Variants in YEATS2 observed in about 807,000 individuals in gnomAD.
YEATS2 encodes the protein YEATS domain-containing protein 2.
Under a neutral mutation model 163.2 loss-of-function variants are expected in YEATS2, and 77 were observed. The ratio of observed to expected loss-of-function variants is 0.47; its 90% CI spans 0.39 to 0.57. The LOEUF (loss-of-function observed/expected upper bound fraction) is 0.57. Among genes scored for constraint, YEATS2 ranks in the 20% least tolerant of loss-of-function variants. YEATS2 has a pLI of 0.00. For synonymous variants in YEATS2, 631 were observed against 645.1 expected, an observed-to-expected ratio of 0.98 and a Z score of 0.33; for missense variants, 1,549 against 1,729.8, an observed-to-expected ratio of 0.90 and a Z score of 1.85.
chr3:183,767,617 G>C (rs557441738), intron 15 of YEATS2, among the ~76,000 whole-genome samples: 19 of 152,210 alleles, frequency 1.2e-4, no homozygotes, highest in Admixed American at 5.9e-4. Context: ...TTCTGACCTT[G>C]TGATCTGCCC....
At chr3:183,731,046 A>G (rs1316354426) in intron 7 of YEATS2, among the ~76,000 whole-genome samples, 1 of 152,174 alleles carries the variant, frequency 6.6e-6, no homozygotes, top group Non-Finnish European at 1.5e-5. Context: ...TCAGGCCTGT[A>G]ATTCCAGCAC....
chr3:183,787,213 A>C lies in YEATS2; in HGVS notation c.2913+912A>C, dbSNP rs368463724. Among the ~76,000 whole-genome samples the C allele has an allele frequency of 1.4e-4, 21 of 152,242 alleles. 1 individual carries two copies. The highest frequency in any genetic ancestry group is 5.2e-4 in the Admixed American group (8 of 15,282). The stretch of plus-strand genomic sequence containing the variant: ...CGTGATCCACCTGCCTCATCTCCCA[A>C]AGTGCTGGGATTACAGGTGTGAGCC... On this transcript the variant is annotated intron_variant, in intron 20 of 30. Transcript: ENST00000305135.
intron 5 of YEATS2, 142 bp downstream of exon 5, chr3:183,722,278 CTTTTTTTTT>C (rs200048624): frequency 0.11 from 33,839 of 308,470 alleles, 452 homozygotes; most frequent in East Asian, 0.2. Flanking sequence ...GAAACCAAAT[CTTTTTTTTT>C]TTTTTTTTTT....
intron 28 of YEATS2, 29 bp from the exon 29 acceptor site, chr3:183,808,001 G>A (rs1406282319): frequency 6.5e-6 from 10 of 1,546,776 alleles, no homozygotes; most frequent in East Asian, 2.4e-5. Context: ...GCAGCGATAC[G>A]AACAAACGGC....
chr3:183,809,215 T>G (rs747488039), intron 30 of YEATS2, 45 bp downstream of exon 30: 3 of 1,587,332 alleles, frequency 1.9e-6, no homozygotes, highest in Non-Finnish European at 2.6e-6. Context: ...TACACCTCTT[T>G]CCTAACAGTT....
intron 15 of YEATS2, among the ~76,000 whole-genome samples, chr3:183,762,538 G>A (rs961153981): frequency 1.3e-5 from 2 of 152,230 alleles, no homozygotes; most frequent in Non-Finnish European, 2.9e-5. Flanking sequence ...GTCTCTGGCA[G>A]TGGAGGCAGA....
intron 1 of YEATS2, among the ~76,000 whole-genome samples, chr3:183,707,049 A>T (rs1714688841): frequency 6.6e-6 from 1 of 152,218 alleles, no homozygotes; most frequent in South Asian, 2.1e-4. Flanking sequence ...TGAAGCGTAA[A>T]TGAATTTCAT....
chr3:183,768,630 C>A (rs1291184597), intron 15 of YEATS2, among the ~76,000 whole-genome samples: 1 of 152,068 alleles, frequency 6.6e-6, no homozygotes, highest in Non-Finnish European at 1.5e-5. Flanking sequence ...GATGACCCTG[C>A]CCTGCTCTGT....
At chr3:183,794,858 TG>T (rs1577208371) in intron 21 of YEATS2, among the ~76,000 whole-genome samples, 1 of 152,090 alleles carries the variant, frequency 6.6e-6, no homozygotes, top group African/African-American at 2.4e-5. Context: ...ACTTTGACTC[TG>T]GGGGAAGCCA....
intron 13 of YEATS2, among the ~76,000 whole-genome samples, chr3:183,759,479 G>A (rs2109335346): frequency 6.6e-6 from 1 of 151,872 alleles, no homozygotes; most frequent in African/African-American, 2.4e-5. Flanking sequence ...TTCCCTTTTG[G>A]ACACCTCTCT....
intron 26 of YEATS2, chr3:183,803,572 T>C (rs1472594102): frequency 1.7e-6 from 1 of 572,026 alleles, no homozygotes; most frequent in Non-Finnish European, 3.1e-6. Context: ...TTCAGAGTTT[T>C]AAATGAACTC....
At chr3:183,805,086 T>C (rs906367879) in intron 27 of YEATS2, among the ~76,000 whole-genome samples, 5 of 150,720 alleles carry the variant, frequency 3.3e-5, no homozygotes, top group African/African-American at 9.8e-5. Flanking sequence ...AAGAAGCATT[T>C]TGAGTTTCAC....
intron 5 of YEATS2, among the ~76,000 whole-genome samples, chr3:183,724,005 T>C (rs1716805957): frequency 6.6e-6 from 1 of 152,220 alleles, no homozygotes; most frequent in African/African-American, 2.4e-5. Flanking sequence ...AGCAAACATT[T>C]AGCATTTACT....
intron 7 of YEATS2, among the ~76,000 whole-genome samples, chr3:183,730,052 G>GTTTGTTT (rs1560244258): frequency 3.8e-4 from 16 of 41,718 alleles, no homozygotes; most frequent in South Asian, 1.4e-3. Flanking sequence ...TTTTTTGTTT[G>GTTTGTTT]TTTTTTTTTT....
chr3:183,796,288 G>A (rs1417893694), intron 21 of YEATS2, among the ~76,000 whole-genome samples: 2 of 151,082 alleles, frequency 1.3e-5, no homozygotes, highest in South Asian at 2.1e-4. Context: ...GTGAGCCACC[G>A]CACCCGACCA....
chr3:183,788,070 T>G (rs1231330809), intron 20 of YEATS2, among the ~76,000 whole-genome samples: 1 of 152,220 alleles, frequency 6.6e-6, no homozygotes, highest in East Asian at 1.9e-4. Context: ...GTACATGTGA[T>G]GTTTTGATGC....
At chr3:183,784,636 ATTG>A (rs1560312063) in intron 19 of YEATS2, among the ~76,000 whole-genome samples, 2 of 151,926 alleles carry the variant, frequency 1.3e-5, no homozygotes, top group African/African-American at 2.4e-5. Context: ...TTTTGTTGCA[ATTG>A]TTGTTGATGC....
intron 4 of YEATS2, among the ~76,000 whole-genome samples, chr3:183,719,118 T>A (rs1716226783): frequency 6.6e-6 from 1 of 152,154 alleles, no homozygotes; most frequent in Non-Finnish European, 1.5e-5. Flanking sequence ...GTTGTGACTT[T>A]CCGCATTGTC....
At position 183,749,391 on chromosome 3, in the gene YEATS2, C is replaced by T. The variant is rs547592984; in HGVS notation, c.969+1675C>T. The stretch of plus-strand genomic sequence containing the variant: ...CTTAGTCCATCTTTAGAACTGTTTT[C>T]GTCTTGCAGAGCTGAAACTCTGTAC... On this transcript the variant is annotated intron_variant, in intron 9 of 30. Transcript: ENST00000305135. Among the ~76,000 whole-genome samples, 107 of 152,188 alleles carry T rather than the reference C, an allele frequency of 7.0e-4. 1 individual carries two copies. The highest frequency in any genetic ancestry group is 3.7e-3 in the South Asian group (18 of 4,818).
Sources: allele counts gnomAD v4.1 joint callset (sites outside exome capture counted in the v4.1 genomes callset), GRCh38; gene constraint gnomAD v4.1.1; transcripts MANE v1.5; gene names NCBI Gene and HGNC (gene_info 2026-07-23, HGNC 2026-07-21).